TRHDE: variants seen among roughly 807,000 people sequenced by gnomAD.
TRHDE encodes thyrotropin releasing hormone degrading enzyme.
In TRHDE, 72 loss-of-function variants were observed where a neutral mutation model predicts 125.7. The ratio of observed to expected loss-of-function variants is 0.57; its 90% CI spans 0.47 to 0.70. The LOEUF is 0.70. Ranked by LOEUF, TRHDE falls within the 30% of genes least tolerant of loss-of-function variation. The pLI, the probability that TRHDE is intolerant of heterozygous loss-of-function variation, is 0.00. For synonymous variants in TRHDE, 509 were observed against 509.1 expected, an observed-to-expected ratio of 1.00 and a Z score of 0.00; for missense variants, 1,110 against 1,327.1, an observed-to-expected ratio of 0.84 and a Z score of 2.54.
At chr12:72,421,147 A>G (rs1313551707) in intron 3 of TRHDE, among the ~76,000 whole-genome samples, 1 of 152,118 alleles carries the variant, frequency 6.6e-6, no homozygotes, top group Non-Finnish European at 1.5e-5. Flanking sequence ...ATCAACTCAG[A>G]TTCAACCAAC....
rs79517071 is a variant in TRHDE at position 72,183,186 on chromosome 12, C to T, written n.279+77434C>T. On this transcript the variant is annotated intron_variant and non_coding_transcript_variant, in intron 2 of 4. Coordinates refer to the TRHDE transcript ENST00000548156. ...AGCCATCCCTAAGACACTAACTAAC[C>T]TTTACTAAAACTTTATTATGTGCTC... Among the ~76,000 whole-genome samples the T allele has an allele frequency of 7.0e-4, 106 of 152,268 alleles. 1 individual carries two copies. The East Asian group carries it at 0.016, about 24-fold the overall frequency.
At chr12:72,227,547 A>G (rs1329063441) in intron 2 of TRHDE, among the ~76,000 whole-genome samples, 2 of 152,114 alleles carry the variant, frequency 1.3e-5, no homozygotes, top group Non-Finnish European at 2.9e-5. Flanking sequence ...CAGCCAAACA[A>G]TATCGTTCTG....
rs952033387 is a variant in TRHDE, at chr12:72,301,859, C to T, written c.1188+14905C>T. 7.2e-5 allele frequency among the ~76,000 whole-genome samples: 11 copies of T among 152,066 alleles called. No individual in the cohort carries two copies. The East Asian group carries it at 7.7e-4, about 11-fold the overall frequency. ...AGCACAGATGGTTAAATGGGATCCT[C>T]TATGGGGACAGCTTAAAAAAGGTCA... On this transcript the variant is annotated intron_variant, in intron 2 of 18. Coordinates refer to ENST00000261180, the MANE Select transcript of TRHDE (RefSeq NM_013381.3).
intron 3 of TRHDE, among the ~76,000 whole-genome samples, chr12:72,429,845 C>T (rs1208463160): frequency 6.6e-6 from 1 of 151,848 alleles, no homozygotes; most frequent in Admixed American, 6.6e-5. Flanking sequence ...AGATCTTTGT[C>T]AATTTTTAAA....
chr12:72,296,598 G>A (rs1048686656), intron 2 of TRHDE, among the ~76,000 whole-genome samples: 16 of 151,464 alleles, frequency 1.1e-4, no homozygotes, highest in African/African-American at 3.4e-4. Context: ...CCATGTGGGT[G>A]CCTTTATTGC....
chr12:72,518,045 G>A (rs1206135786), intron 6 of TRHDE, among the ~76,000 whole-genome samples: 1 of 146,598 alleles, frequency 6.8e-6, no homozygotes, highest in East Asian at 2.0e-4. Flanking sequence ...TACGTTTGCT[G>A]AGGAGAGCTT....
intron 5 of TRHDE, among the ~76,000 whole-genome samples, chr12:72,489,419 C>T (rs940647457): frequency 4.0e-5 from 6 of 151,632 alleles, no homozygotes; most frequent in South Asian, 2.1e-4. Flanking sequence ...TCTATATTAC[C>T]GAAAGCAATG....
chr12:72,461,091 A>G (rs533262907), intron 3 of TRHDE, among the ~76,000 whole-genome samples: 104 of 152,338 alleles, frequency 6.8e-4, no homozygotes, highest in African/African-American at 2.3e-3. Flanking sequence ...ATGCTAATTC[A>G]GGAGAATGCT....
intron 6 of TRHDE, among the ~76,000 whole-genome samples, chr12:72,513,297 A>T (rs777478542): frequency 6.6e-5 from 10 of 152,174 alleles, no homozygotes; most frequent in Non-Finnish European, 1.5e-4. Flanking sequence ...AAACAGATTA[A>T]ACTATGTTGC....
intron 2 of TRHDE, among the ~76,000 whole-genome samples, chr12:72,334,901 CG>C (rs1869762041): frequency 6.6e-6 from 1 of 152,080 alleles, no homozygotes; most frequent in South Asian, 2.1e-4. Context: ...GGCAGGGGGA[CG>C]GAAGAGAGCA....
intron 3 of TRHDE, among the ~76,000 whole-genome samples, chr12:72,427,855 T>C (rs898095784): frequency 2.0e-5 from 3 of 152,154 alleles, no homozygotes; most frequent in Non-Finnish European, 4.4e-5. Context: ...ATAAATTAGA[T>C]AGACTATTGA....
At chr12:72,396,589 C>T (rs1430809071) in intron 3 of TRHDE, among the ~76,000 whole-genome samples, 3 of 151,952 alleles carry the variant, frequency 2.0e-5, no homozygotes, top group Non-Finnish European at 4.4e-5. Context: ...ACTAAAAATA[C>T]AAAAATTAGC....
chr12:72,633,663 T>C (rs908652414), intron 15 of TRHDE, among the ~76,000 whole-genome samples: 2 of 152,094 alleles, frequency 1.3e-5, no homozygotes, highest in African/African-American at 2.4e-5. Flanking sequence ...TGGGATTCTG[T>C]ATCCTCTTTG....
At chr12:72,289,211 G>A (rs951664005) in intron 2 of TRHDE, among the ~76,000 whole-genome samples, 1 of 152,074 alleles carries the variant, frequency 6.6e-6, no homozygotes, top group African/African-American at 2.4e-5. Flanking sequence ...AGAAGCTGAA[G>A]CAATTTTCTT....
chr12:72,390,995 T>C (rs1269566925), intron 3 of TRHDE, among the ~76,000 whole-genome samples: 1 of 152,124 alleles, frequency 6.6e-6, no homozygotes, highest in Admixed American at 6.6e-5. Flanking sequence ...TGGATGATTA[T>C]TGAGAGATTA....
chr12:72,194,473 C>T (rs889039464), intron 2 of TRHDE, among the ~76,000 whole-genome samples: 1 of 152,020 alleles, frequency 6.6e-6, no homozygotes, highest in African/African-American at 2.4e-5. Context: ...GGTTTGTTAC[C>T]TGGGTGATGC....
At chr12:72,512,026 C>A (rs1390812715) in intron 6 of TRHDE, among the ~76,000 whole-genome samples, 1 of 152,078 alleles carries the variant, frequency 6.6e-6, no homozygotes, top group Non-Finnish European at 1.5e-5. Flanking sequence ...TCCTCTGTTG[C>A]ACACAGTTTC....
chr12:72,598,868 C>T (rs988714694), intron 12 of TRHDE, among the ~76,000 whole-genome samples: 1 of 151,684 alleles, frequency 6.6e-6, no homozygotes, highest in Non-Finnish European at 1.5e-5. Flanking sequence ...GTTTTTTAAC[C>T]CTTGCCCTTC....
chr12:72,654,012 A>T (rs1267247667), intron 17 of TRHDE, among the ~76,000 whole-genome samples: 3 of 152,160 alleles, frequency 2.0e-5, no homozygotes, highest in Non-Finnish European at 4.4e-5. Flanking sequence ...GAAAACACTG[A>T]TATTTCTATA....
Sources: allele counts gnomAD v4.1 joint callset (sites outside exome capture counted in the v4.1 genomes callset), GRCh38; gene constraint gnomAD v4.1.1; transcripts MANE v1.5; gene names NCBI Gene and HGNC (gene_info 2026-07-23, HGNC 2026-07-21).